Variants in ST7 observed in about 807,000 individuals in gnomAD.
ST7 encodes suppression of tumorigenicity 7, also known as suppressor of tumorigenicity 7 protein.
ST7 carries 28 observed loss-of-function variants against 78.7 expected under a neutral mutation model. That is an observed-to-expected ratio of 0.36 (90% CI 0.26 to 0.49). The LOEUF is 0.49. Among genes scored for constraint, ST7 ranks in the 20% least tolerant of loss-of-function variants. The pLI, the probability that ST7 is intolerant of heterozygous loss-of-function variation, is 0.99. For missense variants in ST7, 418 were observed against 696.0 expected (o/e 0.60, Z 4.49); for synonymous variants, 247 against 249.6 (o/e 0.99, Z 0.10).
chr7:116,985,894 A>G (rs1324667239), intron 1 of ST7, among the ~76,000 whole-genome samples: 1 of 152,208 alleles, frequency 6.6e-6, no homozygotes, highest in Admixed American at 6.5e-5. Flanking sequence ...GTGTAGTAGC[A>G]TGATCTTGGC....
At chr7:117,012,420 C>T (rs1795425454) in intron 1 of ST7, among the ~76,000 whole-genome samples, 3 of 152,014 alleles carry the variant, frequency 2.0e-5, no homozygotes, top group Non-Finnish European at 4.4e-5. Flanking sequence ...GTTGTTTATC[C>T]TCCATGCCTC....
At position 117,051,041 on chromosome 7, in the gene ST7, C is replaced by T. The variant is rs141334624; in HGVS notation, c.152-48721C>T. Among the ~76,000 whole-genome samples, 902 of 151,848 alleles carry T rather than the reference C, an allele frequency of 5.9e-3. 33 individuals carry two copies. Among genetic ancestry groups the T allele is most frequent in the Admixed American group, 0.053 (803 of 15,272 alleles). On this transcript the variant is annotated intron_variant, in intron 1 of 15. Coordinates refer to ENST00000323984, the MANE Select transcript of ST7 (RefSeq NM_001369598.1). ...CAATATGTTTATTGCAGAAAATTTG[C>T]GTATAAACAGACCTACACAGTTCAA...
chr7:117,099,754 T>G lies in ST7; in HGVS notation c.152-8T>G. The G allele has an allele frequency of 1.2e-6, 2 of 1,609,572 alleles. No homozygotes were observed. The highest frequency in any genetic ancestry group is 1.7e-6 in the Non-Finnish European group (2 of 1,177,916). On this transcript the variant is annotated splice_polypyrimidine_tract_variant and splice_region_variant and intron_variant, in intron 1 of 15. Transcript: ENST00000323984. ...TTCTTCTCCCTTTCTCTCTCTTTTC[T>G]TTTTCAGTGAGCATGTTTTTGAACA...
chr7:117,195,190 T>C (rs1165079480), intron 12 of ST7, among the ~76,000 whole-genome samples: 1 of 152,028 alleles, frequency 6.6e-6, no homozygotes, highest in African/African-American at 2.4e-5. Flanking sequence ...AACATGGACT[T>C]TATGGTTGGG....
chr7:117,020,452 T>A (rs1795833429), intron 1 of ST7: 21 of 786,516 alleles, frequency 2.7e-5, no homozygotes, highest in Non-Finnish European at 2.1e-5. Context: ...ATCTGGCAGC[T>A]GGACACAGCT....
chr7:117,157,576 A>C (rs2117192521), intron 9 of ST7, among the ~76,000 whole-genome samples: 1 of 152,328 alleles, frequency 6.6e-6, no homozygotes, highest in South Asian at 2.1e-4. Flanking sequence ...ATATTTGTTA[A>C]CTGTGCCCCA....
intron 1 of ST7, among the ~76,000 whole-genome samples, chr7:117,060,540 C>T (rs1048344427): frequency 6.6e-6 from 1 of 152,060 alleles, no homozygotes. Flanking sequence ...TAGAATAGAA[C>T]CCACAGTGTG....
chr7:117,168,066 A>G (rs1807704928), intron 9 of ST7, among the ~76,000 whole-genome samples: 1 of 152,168 alleles, frequency 6.6e-6, no homozygotes. Flanking sequence ...GTTTATATTA[A>G]ATTAGGAAAG....
At chr7:117,084,328 G>A (rs1158996859) in intron 1 of ST7, among the ~76,000 whole-genome samples, 2 of 152,132 alleles carry the variant, frequency 1.3e-5, no homozygotes, top group African/African-American at 4.8e-5. Context: ...GGGGGGATAT[G>A]ATCATCCAGG....
intron 1 of ST7, among the ~76,000 whole-genome samples, chr7:117,093,454 C>A (rs1005975866): frequency 3.9e-5 from 6 of 152,180 alleles, no homozygotes; most frequent in Non-Finnish European, 7.3e-5. Flanking sequence ...GTAATGCCAG[C>A]ACTTTGGGAG....
At chr7:116,965,155 C>T (rs999183204) in intron 1 of ST7, among the ~76,000 whole-genome samples, 6 of 152,028 alleles carry the variant, frequency 3.9e-5, no homozygotes, top group East Asian at 1.9e-4. Context: ...CTGGCTAACA[C>T]GGTGAAACGC....
chr7:117,191,585 G>A (rs191060297), intron 12 of ST7: 1 of 152,214 alleles, frequency 6.6e-6, no homozygotes, highest in African/African-American at 2.4e-5. Flanking sequence ...TTATTCAGGA[G>A]ATGAATGTGT....
intron 1 of ST7, among the ~76,000 whole-genome samples, chr7:116,980,743 G>A (rs968885331): frequency 2.6e-5 from 4 of 152,140 alleles, no homozygotes; most frequent in African/African-American, 9.7e-5. Context: ...TGCTGATGTG[G>A]TACTTTATCA....
chr7:117,152,682 C>A (rs1806387208), intron 9 of ST7, among the ~76,000 whole-genome samples: 1 of 152,148 alleles, frequency 6.6e-6, no homozygotes, highest in South Asian at 2.1e-4. Context: ...AGTCTTTTGC[C>A]TGAGTCCTTT....
intron 12 of ST7, among the ~76,000 whole-genome samples, chr7:117,200,731 G>C (rs1253355349): frequency 6.6e-6 from 1 of 151,686 alleles, no homozygotes; most frequent in Non-Finnish European, 1.5e-5. Flanking sequence ...CAAATTATAA[G>C]TCTGGGAGTG....
intron 1 of ST7, among the ~76,000 whole-genome samples, chr7:116,985,123 C>T (rs900143495): frequency 1.3e-5 from 2 of 152,106 alleles, no homozygotes; most frequent in African/African-American, 4.8e-5. Context: ...TATTGATACT[C>T]ATGTTCACCT....
At chr7:117,088,047 C>T (rs568003367) in intron 1 of ST7, among the ~76,000 whole-genome samples, 45 of 152,232 alleles carry the variant, frequency 3.0e-4, no homozygotes, top group Non-Finnish European at 4.9e-4. Flanking sequence ...GCTTCTCATC[C>T]GCCCTGTTTT....
At chr7:117,018,206 T>C (rs944948135) in intron 1 of ST7, among the ~76,000 whole-genome samples, 25 of 152,222 alleles carry the variant, frequency 1.6e-4, no homozygotes, top group Non-Finnish European at 2.9e-5. Flanking sequence ...CTTGCCTTTC[T>C]GACGGCCACA....
chr7:117,138,641 G>T, intron 9 of ST7, 109 bp downstream of exon 9: 1 of 737,404 alleles, frequency 1.4e-6, no homozygotes, highest in Non-Finnish European at 2.3e-6. Context: ...GGGTTCTGGA[G>T]CCAGACTGTG....
Sources: allele counts gnomAD v4.1 joint callset (sites outside exome capture counted in the v4.1 genomes callset), GRCh38; gene constraint gnomAD v4.1.1; transcripts MANE v1.5; gene names NCBI Gene and HGNC (gene_info 2026-07-23, HGNC 2026-07-21).